The following TRPC4 variants were observed in gnomAD, a reference collection of about 807,000 sequenced individuals.
The protein encoded by TRPC4 is transient receptor potential cation channel subfamily C member 4.
Under a neutral mutation model 99.4 loss-of-function variants are expected in TRPC4, and 49 were observed. The ratio of observed to expected loss-of-function variants is 0.49; its 90% CI spans 0.39 to 0.63. The LOEUF (loss-of-function observed/expected upper bound fraction) is 0.63. Ranked by LOEUF, TRPC4 falls within the 20% of genes least tolerant of loss-of-function variation. The probability of loss-of-function intolerance (pLI) is 0.00; values close to 1 mark genes in which losing one functional copy is unlikely to be tolerated. For missense variants in TRPC4, 898 were observed against 1,152.9 expected, an observed-to-expected ratio of 0.78 and a Z score of 3.20; for synonymous variants, 454 against 425.9, an observed-to-expected ratio of 1.07 and a Z score of -0.81.
chr13:37,641,860 T>C (rs1951722554), intron 8 of TRPC4, among the ~76,000 whole-genome samples: 1 of 152,210 alleles, frequency 6.6e-6, no homozygotes, highest in Admixed American at 6.5e-5. Context: ...TTATGGCATC[T>C]GTTGCTAACT....
At chr13:37,850,237 G>T (rs1959020504) in intron 1 of TRPC4, among the ~76,000 whole-genome samples, 1 of 152,094 alleles carries the variant, frequency 6.6e-6, no homozygotes, top group African/African-American at 2.4e-5. Context: ...AAAACCATAG[G>T]CCTGAAAAAT....
chr13:37,754,180 G>A (rs940508666), intron 2 of TRPC4, among the ~76,000 whole-genome samples: 1 of 152,012 alleles, frequency 6.6e-6, no homozygotes, highest in Non-Finnish European at 1.5e-5. Context: ...TTCACGCTTC[G>A]TTCTCAACGC....
chr13:37,667,011 C>T (rs963809139), intron 5 of TRPC4, among the ~76,000 whole-genome samples: 23 of 152,196 alleles, frequency 1.5e-4, no homozygotes, highest in African/African-American at 5.1e-4. Context: ...ATCTCAAACT[C>T]ACAGATCGAA....
At chr13:37,774,495 T>G (rs1490511785) in intron 2 of TRPC4, among the ~76,000 whole-genome samples, 2 of 151,730 alleles carry the variant, frequency 1.3e-5, no homozygotes, top group African/African-American at 4.8e-5. Flanking sequence ...AAAAGAACAT[T>G]TATTTATTTA....
rs541738138 is a variant in TRPC4 at position 37,684,536 on chromosome 13, T to A, written c.1234+7463A>T. Among the ~76,000 whole-genome samples, 5 of 152,114 alleles carry A rather than the reference T, an allele frequency of 3.3e-5. No homozygotes were observed. In the South Asian group the frequency reaches 8.3e-4, roughly 25 times the overall value. ...CTTTTTATAGGATTCTAATTTAATT[T>A]AAAATTTTCCATGAAAACTAAGAAG... On this transcript the variant is annotated intron_variant, in intron 4 of 10. Transcript: ENST00000379705.
intron 3 of TRPC4, among the ~76,000 whole-genome samples, chr13:37,707,799 G>GGT (rs1954338644): frequency 1.3e-5 from 2 of 152,074 alleles, no homozygotes; most frequent in African/African-American, 4.8e-5. Context: ...AGCTAGGAAT[G>GGT]GTGTGATTAG....
chr13:37,713,960 A>T (rs926035834), intron 3 of TRPC4, among the ~76,000 whole-genome samples: 1 of 151,986 alleles, frequency 6.6e-6, no homozygotes, highest in East Asian at 1.9e-4. Context: ...ATCCCTATGC[A>T]TTCCCTTCCT....
At chr13:37,739,408 T>G (rs562050747) in intron 3 of TRPC4, among the ~76,000 whole-genome samples, 10 of 152,270 alleles carry the variant, frequency 6.6e-5, no homozygotes, top group Admixed American at 6.5e-4. Context: ...CCATAAGGAC[T>G]ATGGTGTTTT....
intron 3 of TRPC4, among the ~76,000 whole-genome samples, chr13:37,745,448 A>ATATATATATATGCG (rs1437393390): frequency 1.0e-3 from 3 of 2,920 alleles, no homozygotes; most frequent in Non-Finnish European, 1.4e-3. Context: ...ATATATATAT[A>ATATATATATATGCG]TATATATATA....
At chr13:37,682,266 C>A (rs1039309645) in intron 4 of TRPC4, among the ~76,000 whole-genome samples, 11 of 152,172 alleles carry the variant, frequency 7.2e-5, no homozygotes, top group African/African-American at 2.4e-4. Context: ...TCACAGAACA[C>A]TGAGCTTTAT....
intron 3 of TRPC4, among the ~76,000 whole-genome samples, chr13:37,736,533 T>C (rs759106816): frequency 1.3e-5 from 2 of 152,074 alleles, no homozygotes; most frequent in Non-Finnish European, 2.9e-5. Context: ...TAAAATATAT[T>C]TTAAAATGCA....
intron 1 of TRPC4, among the ~76,000 whole-genome samples, chr13:37,793,739 G>C (rs1957178672): frequency 6.6e-6 from 1 of 152,080 alleles, no homozygotes; most frequent in Admixed American, 6.6e-5. Flanking sequence ...CCCAATACTA[G>C]AAATGATGCA....
intron 5 of TRPC4, among the ~76,000 whole-genome samples, chr13:37,671,355 T>G (rs1053274733): frequency 2.0e-5 from 3 of 152,178 alleles, no homozygotes; most frequent in African/African-American, 7.2e-5. Context: ...GAGTGAGTAC[T>G]CTTTTGATTA....
chr13:37,677,777 A>G (rs1488701860), intron 4 of TRPC4, among the ~76,000 whole-genome samples: 2 of 152,184 alleles, frequency 1.3e-5, no homozygotes, highest in Non-Finnish European at 2.9e-5. Flanking sequence ...GTAATGATAT[A>G]GAAGACCTGA....
chr13:37,654,350 A>T (rs774322528), intron 7 of TRPC4, among the ~76,000 whole-genome samples: 2 of 152,130 alleles, frequency 1.3e-5, no homozygotes, highest in Non-Finnish European at 2.9e-5. Context: ...CATTCCACTA[A>T]GAGTTCTGTT....
At chr13:37,707,792 T>C (rs1239402053) in intron 3 of TRPC4, among the ~76,000 whole-genome samples, 2 of 152,126 alleles carry the variant, frequency 1.3e-5, no homozygotes, top group African/African-American at 4.8e-5. Flanking sequence ...TTATATTAGC[T>C]AGGAATGGTG....
In TRPC4 at chr13:37,849,154, A is replaced by G. The variant is rs1958991519; in HGVS notation, c.-28+20441T>C. 3.9e-5 allele frequency among the ~76,000 whole-genome samples: 6 copies of G among 152,294 alleles called. No individual in the cohort carries two copies. In the East Asian group the frequency reaches 7.7e-4, roughly 20 times the overall value. ...ATCCATGGAGGCTCACGCCCTTCAT[A>G]GAAGGGTATCTCAGAGGTGAAATGT... On this transcript the variant is annotated intron_variant, in intron 1 of 10. Coordinates refer to ENST00000379705, the MANE Select transcript of TRPC4 (RefSeq NM_016179.4).
intron 1 of TRPC4, among the ~76,000 whole-genome samples, chr13:37,806,485 C>T (rs1300379226): frequency 6.6e-6 from 1 of 151,996 alleles, no homozygotes; most frequent in East Asian, 1.9e-4. Flanking sequence ...TACTATTTCC[C>T]AAGGACCTTT....
chr13:37,664,814 A>C (rs1012759137), intron 5 of TRPC4, among the ~76,000 whole-genome samples: 4 of 152,256 alleles, frequency 2.6e-5, no homozygotes, highest in East Asian at 3.9e-4. Context: ...AGAGCTTTAC[A>C]AATGTGAATC....
Sources: gnomAD v4.1 joint callset for allele counts (sites outside exome capture counted in the v4.1 genomes callset) on GRCh38, gnomAD v4.1.1 for gene constraint, MANE v1.5 for transcripts, NCBI Gene and HGNC (gene_info 2026-07-23, HGNC 2026-07-21) for gene names.